Variants in PTPRD observed in about 807,000 individuals in gnomAD.
The protein encoded by PTPRD is receptor-type tyrosine-protein phosphatase delta.
In PTPRD, 34 loss-of-function variants were observed where a neutral mutation model predicts 214.5. The ratio of observed to expected loss-of-function variants is 0.16; its 90% CI spans 0.12 to 0.21. The LOEUF is 0.21. Among genes scored for constraint, PTPRD ranks in the 10% least tolerant of loss-of-function variants. The pLI is 1.00. For synonymous variants in PTPRD, 1,128 were observed against 845.7 expected (o/e 1.33, Z -5.79); for missense variants, 2,545 against 2,398.7 (o/e 1.06, Z -1.27).
chr9:9,942,090 C>G (rs2091606452), intron 4 of PTPRD, among the ~76,000 whole-genome samples: 1 of 152,150 alleles, frequency 6.6e-6, no homozygotes, highest in Admixed American at 6.6e-5. Flanking sequence ...GTACACAGGA[C>G]AAAATATTAC....
intron 6 of PTPRD, among the ~76,000 whole-genome samples, chr9:9,736,731 G>A (rs1423274455): frequency 6.6e-6 from 1 of 152,014 alleles, no homozygotes; most frequent in East Asian, 1.9e-4. Flanking sequence ...TCATACACAT[G>A]TGTATTCATC....
chr9:9,130,700 G>A (rs1336840072), intron 10 of PTPRD, among the ~76,000 whole-genome samples: 2 of 152,078 alleles, frequency 1.3e-5, no homozygotes, highest in South Asian at 2.1e-4. Context: ...TGACCTTCCT[G>A]AATTGTGATT....
intron 8 of PTPRD, among the ~76,000 whole-genome samples, chr9:9,435,336 AC>A (rs1420031392): frequency 2.8e-5 from 4 of 140,406 alleles, no homozygotes; most frequent in South Asian, 2.5e-4. Flanking sequence ...CATAGTGAGA[AC>A]CCCCCCACCC....
At chr9:10,100,628 G>T (rs1203353216) in intron 3 of PTPRD, among the ~76,000 whole-genome samples, 3 of 151,630 alleles carry the variant, frequency 2.0e-5, no homozygotes, top group Non-Finnish European at 4.4e-5. Context: ...ATTATTTATA[G>T]TTTTAATACT....
chr9:10,433,830 A>G (rs1162299500), intron 2 of PTPRD, among the ~76,000 whole-genome samples: 1 of 151,698 alleles, frequency 6.6e-6, no homozygotes, highest in African/African-American at 2.4e-5. Flanking sequence ...ATTTAAGAAA[A>G]CTCTTTATAA....
At chr9:8,855,115 G>A (rs2097890729) in intron 11 of PTPRD, among the ~76,000 whole-genome samples, 1 of 117,882 alleles carries the variant, frequency 8.5e-6, no homozygotes. Context: ...AAACTTGGGG[G>A]AATGCCTACT....
chr9:9,133,398 A>T (rs2099845868), intron 10 of PTPRD, among the ~76,000 whole-genome samples: 1 of 152,224 alleles, frequency 6.6e-6, no homozygotes. Flanking sequence ...AATCAACATT[A>T]TCTTCAAATA....
intron 6 of PTPRD, among the ~76,000 whole-genome samples, chr9:9,753,802 G>A (rs1290968054): frequency 6.6e-6 from 1 of 151,938 alleles, no homozygotes; most frequent in African/African-American, 2.4e-5. Context: ...GATGGAATAT[G>A]ACTGCATTAT....
intron 2 of PTPRD, among the ~76,000 whole-genome samples, chr9:10,600,490 G>A (rs2077694018): frequency 6.6e-6 from 1 of 151,722 alleles, no homozygotes; most frequent in African/African-American, 2.4e-5. Context: ...ACAAAGACCT[G>A]GAGCTCAGCC....
intron 10 of PTPRD, among the ~76,000 whole-genome samples, chr9:9,150,059 G>A (rs545031017): frequency 3.3e-5 from 5 of 152,222 alleles, no homozygotes; most frequent in Admixed American, 1.3e-4. Context: ...AATTGTCACC[G>A]GAGTCCCTAA....
intron 14 of PTPRD, among the ~76,000 whole-genome samples, chr9:8,548,835 C>G (rs1194551381): frequency 1.3e-5 from 2 of 151,778 alleles, no homozygotes; most frequent in East Asian, 3.9e-4. Context: ...GCTGGGATTA[C>G]AGGCATGCAC....
Position 8,759,846 on chromosome 9 carries a change from T to C in PTPRD, c.-103-25900A>G, listed in dbSNP as rs76054853. Among the ~76,000 whole-genome samples the C allele has an allele frequency of 2.1e-3, 313 of 152,354 alleles. 2 individuals carry two copies. The highest frequency in any genetic ancestry group is 5.8e-3 in the African/African-American group (241 of 41,580). ...TTCCGAGGTCTCCAGACAAGCATTCTTTCCCTTGTGCTGAAACATTATTTC... is the reference window on the plus strand; with the variant it reads ...TTCCGAGGTCTCCAGACAAGCATTCCTTCCCTTGTGCTGAAACATTATTTC... On this transcript the variant is annotated intron_variant, in intron 11 of 45. Transcript: ENST00000381196.
At chr9:9,728,012 T>G (rs777181767) in intron 7 of PTPRD, among the ~76,000 whole-genome samples, 2 of 152,166 alleles carry the variant, frequency 1.3e-5, no homozygotes, top group Non-Finnish European at 2.9e-5. Context: ...AATTGAATCA[T>G]GGGGGCAGTT....
In PTPRD at chr9:9,542,802, A is replaced by C. The variant is rs913518414; in HGVS notation, c.-237+31930T>G. 9.2e-5 allele frequency among the ~76,000 whole-genome samples: 14 copies of C among 151,820 alleles called. No individual in the cohort carries two copies. The South Asian group carries it at 2.9e-3, about 31-fold the overall frequency. On this transcript the variant is annotated intron_variant, in intron 8 of 45. Coordinates refer to ENST00000381196, the MANE Select transcript of PTPRD (RefSeq NM_002839.4). ...TAAAATGCTTAAAATCAACAATACA[A>C]TTCCTAGTGTTAACAACCATGAGGA...
chr9:9,366,059 A>T (rs1364249079), intron 9 of PTPRD, among the ~76,000 whole-genome samples: 1 of 151,440 alleles, frequency 6.6e-6, no homozygotes, highest in Non-Finnish European at 1.5e-5. Flanking sequence ...TGAGGCTACA[A>T]AAATTCCTAG....
intron 8 of PTPRD, among the ~76,000 whole-genome samples, chr9:9,524,684 G>A (rs2073602745): frequency 6.6e-6 from 1 of 152,120 alleles, no homozygotes; most frequent in Admixed American, 6.5e-5. Flanking sequence ...TAGTCATTTT[G>A]TCTTTATTGA....
intron 3 of PTPRD, among the ~76,000 whole-genome samples, chr9:10,292,685 TC>T (rs550452377): frequency 3.3e-5 from 5 of 151,940 alleles, no homozygotes; most frequent in South Asian, 2.1e-4. Flanking sequence ...CCTTTTTTGT[TC>T]TTTTTTTTAA....
chr9:9,348,700 T>C (rs968256822), intron 9 of PTPRD, among the ~76,000 whole-genome samples: 4 of 152,144 alleles, frequency 2.6e-5, no homozygotes, highest in Non-Finnish European at 4.4e-5. Flanking sequence ...ATAAATGGCA[T>C]CTTCACCTAC....
At chr9:8,902,565 G>C (rs1587724497) in intron 11 of PTPRD, among the ~76,000 whole-genome samples, 2 of 151,954 alleles carry the variant, frequency 1.3e-5, no homozygotes, top group South Asian at 4.2e-4. Context: ...GGCTGGTGTT[G>C]AATTCCTCAT....
Sources: gnomAD v4.1 joint callset for allele counts (sites outside exome capture counted in the v4.1 genomes callset) on GRCh38, gnomAD v4.1.1 for gene constraint, MANE v1.5 for transcripts, NCBI Gene and HGNC (gene_info 2026-07-23, HGNC 2026-07-21) for gene names.